TMEM132B: variants seen among roughly 807,000 people sequenced by gnomAD.
TMEM132B encodes transmembrane protein 132B.
Under a neutral mutation model 90.8 loss-of-function variants are expected in TMEM132B, and 18 were observed. That is an observed-to-expected ratio of 0.20 (90% CI 0.14 to 0.29). TMEM132B has a LOEUF of 0.29. TMEM132B is among the 10% of genes least tolerant of loss of function. The probability of loss-of-function intolerance (pLI) is 1.00; values close to 1 mark genes in which losing one functional copy is unlikely to be tolerated. For missense variants in TMEM132B, 1,096 were observed against 1,326.8 expected, an observed-to-expected ratio of 0.83 and a Z score of 2.70; for synonymous variants, 504 against 523.3, an observed-to-expected ratio of 0.96 and a Z score of 0.50.
intron 1 of TMEM132B, among the ~76,000 whole-genome samples, chr12:125,242,965 G>A (rs1362249210): frequency 2.0e-5 from 3 of 147,224 alleles, no homozygotes; most frequent in Non-Finnish European, 4.5e-5. Context: ...TAGAATCGGG[G>A]TACATGTGCA....
intron 4 of TMEM132B, among the ~76,000 whole-genome samples, chr12:125,529,295 C>G (rs1162198037): frequency 6.6e-6 from 1 of 152,122 alleles, no homozygotes; most frequent in Non-Finnish European, 1.5e-5. Context: ...TGAGGTCTCA[C>G]CATGTTGCTC....
intron 1 of TMEM132B, among the ~76,000 whole-genome samples, chr12:125,191,825 A>G (rs999478265): frequency 7.9e-5 from 7 of 88,176 alleles, no homozygotes; most frequent in African/African-American, 2.1e-4. Flanking sequence ...ATACTGGTTT[A>G]TCCCCTTGGC....
intron 3 of TMEM132B, among the ~76,000 whole-genome samples, chr12:125,453,005 T>C (rs1210889113): frequency 3.3e-5 from 5 of 152,074 alleles, no homozygotes; most frequent in African/African-American, 1.2e-4. Context: ...ACTTTATCTC[T>C]TACACTAAAA....
intron 4 of TMEM132B, among the ~76,000 whole-genome samples, chr12:125,547,299 C>T (rs536348213): frequency 6.6e-6 from 1 of 152,308 alleles, no homozygotes; most frequent in East Asian, 1.9e-4. Flanking sequence ...TTTGTCAGCA[C>T]ATGATATTGT....
rs571196037 is a variant in TMEM132B at position 125,661,779 on chromosome 12, A to G, written c.*7069A>G. 1.6e-3 allele frequency: 250 copies of G among 152,362 alleles called. No individual in the cohort carries two copies. Among genetic ancestry groups the G allele is most frequent in the Non-Finnish European group, 2.6e-3 (175 of 68,042 alleles). 9.4% of individuals were successfully genotyped at this position (152,362 alleles called of 1,614,324 possible). On this transcript the variant is annotated 3_prime_UTR_variant, in exon 9 of 9. Transcript: ENST00000682704. ...AGGAAATGATCAAACCTAGGGAAAA[A>G]TAAGTGGCTATAAAACACTGAAAGA... is the stretch of plus-strand genomic sequence containing the variant.
chr12:125,432,501 ATGTGTGTG>A (rs111351519), intron 3 of TMEM132B, among the ~76,000 whole-genome samples: 3 of 29,990 alleles, frequency 1.0e-4, no homozygotes, highest in African/African-American at 7.0e-4. Context: ...GTGTATATAT[ATGTGTGTG>A]TGTATATATA....
intron 1 of TMEM132B, among the ~76,000 whole-genome samples, chr12:125,198,212 G>C (rs1260310393): frequency 6.6e-6 from 1 of 152,152 alleles, no homozygotes; most frequent in Non-Finnish European, 1.5e-5. Context: ...CCAATGCAAG[G>C]GTATGTCACT....
At chr12:125,231,200 C>T (rs992934274) in intron 1 of TMEM132B, among the ~76,000 whole-genome samples, 1 of 150,544 alleles carries the variant, frequency 6.6e-6, no homozygotes, top group Non-Finnish European at 1.5e-5. Context: ...CTTCACGTGG[C>T]TGTCTTCCGT....
chr12:125,652,775 C>G, intron 8 of TMEM132B, 143 bp downstream of exon 8: 1 of 973,022 alleles, frequency 1.0e-6, no homozygotes, highest in Non-Finnish European at 1.5e-6. Flanking sequence ...CCAGGCCACC[C>G]TGTCTCTGAG....
At chr12:125,436,338 C>T (rs1254635636) in intron 3 of TMEM132B, among the ~76,000 whole-genome samples, 1 of 152,148 alleles carries the variant, frequency 6.6e-6, no homozygotes, top group African/African-American at 2.4e-5. Flanking sequence ...CACTGTTTGC[C>T]ATGCTCTCTT....
intron 3 of TMEM132B, among the ~76,000 whole-genome samples, chr12:125,467,922 C>A (rs187951064): frequency 1.3e-5 from 2 of 152,318 alleles, no homozygotes; most frequent in African/African-American, 4.8e-5. Flanking sequence ...AATATTTTCT[C>A]ATAGCATGTA....
intron 1 of TMEM132B, among the ~76,000 whole-genome samples, chr12:125,191,308 C>G (rs1200628443): frequency 6.6e-6 from 1 of 152,014 alleles, no homozygotes; most frequent in East Asian, 1.9e-4. Context: ...ACCATCCAGG[C>G]CTTTCCCTGC....
chr12:125,376,924 C>G lies in TMEM132B; in HGVS notation c.959+26581C>G, dbSNP rs148674296. Among the ~76,000 whole-genome samples the G allele has an allele frequency of 5.3e-3, 808 of 152,334 alleles. 13 individuals carry two copies. The highest frequency in any genetic ancestry group is 0.018 in the African/African-American group (754 of 41,578). On this transcript the variant is annotated intron_variant, in intron 2 of 8. Transcript: ENST00000682704. ...AGGGAAGAAAACTGTGACTGGCCTT[C>G]CAGGTCATCCAGAACCCTCCCACGG... is the stretch of plus-strand genomic sequence containing the variant.
At chr12:125,224,488 C>A (rs570934222) in intron 1 of TMEM132B, among the ~76,000 whole-genome samples, 4 of 152,226 alleles carry the variant, frequency 2.6e-5, no homozygotes, top group Non-Finnish European at 5.9e-5. Context: ...CTCTCCTTGA[C>A]CACTGTGCAG....
chr12:125,489,134 C>G (rs1473171742), intron 3 of TMEM132B, among the ~76,000 whole-genome samples: 1 of 152,164 alleles, frequency 6.6e-6, no homozygotes, highest in African/African-American at 2.4e-5. Flanking sequence ...CTTTAATTTT[C>G]TCTGGGTTTG....
intron 1 of TMEM132B, among the ~76,000 whole-genome samples, chr12:125,236,891 C>T (rs941807368): frequency 1.3e-5 from 2 of 152,168 alleles, no homozygotes; most frequent in African/African-American, 4.8e-5. Flanking sequence ...ATTTGGGTAC[C>T]TGTAGTGCAT....
chr12:125,347,122 C>T (rs1398498631), intron 1 of TMEM132B, among the ~76,000 whole-genome samples: 1 of 152,156 alleles, frequency 6.6e-6, no homozygotes, highest in African/African-American at 2.4e-5. Context: ...TATCTTAATG[C>T]CCAATTTCTG....
Position 125,610,073 on chromosome 12 carries a change from T to C in TMEM132B, c.1437+26079T>C, listed in dbSNP as rs187210949. Among the ~76,000 whole-genome samples the C allele has an allele frequency of 2.0e-5, 3 of 152,160 alleles. No individual in the cohort carries two copies. In the East Asian group the frequency reaches 5.8e-4, roughly 29 times the overall value. ...TCTATAGAAATACTATTTATATTTG[T>C]ATATTGATCTTGTATCTTGCATGCT... is the stretch of plus-strand genomic sequence containing the variant. On this transcript the variant is annotated intron_variant, in intron 5 of 8. Transcript: ENST00000682704.
intron 1 of TMEM132B, among the ~76,000 whole-genome samples, chr12:125,292,121 AAC>A (rs1875557075): frequency 6.6e-6 from 1 of 152,212 alleles, no homozygotes; most frequent in East Asian, 1.9e-4. Context: ...AAAATAGCTC[AAC>A]CTTTGTTTCA....
Sources: allele counts gnomAD v4.1 joint callset (sites outside exome capture counted in the v4.1 genomes callset), GRCh38; gene constraint gnomAD v4.1.1; transcripts MANE v1.5; gene names NCBI Gene and HGNC (gene_info 2026-07-23, HGNC 2026-07-21).